The following PRKCH variants were observed in gnomAD, a reference collection of about 807,000 sequenced individuals.
The protein encoded by PRKCH is protein kinase C eta type.
Under a neutral mutation model 82.5 loss-of-function variants are expected in PRKCH, and 28 were observed. The observed-to-expected ratio is 0.34, with a 90% CI of 0.25 to 0.47. The LOEUF (loss-of-function observed/expected upper bound fraction) is 0.47, where lower values mean the gene tolerates loss of function less well. Ranked by LOEUF, PRKCH falls within the 20% of genes least tolerant of loss-of-function variation. The pLI is 1.00. For synonymous variants in PRKCH, 322 were observed against 327.4 expected (o/e 0.98, Z 0.18); for missense variants, 705 against 881.8 (o/e 0.80, Z 2.54).
chr14:61,479,074 G>T (rs561652181), intron 9 of PRKCH, among the ~76,000 whole-genome samples: 1 of 152,254 alleles, frequency 6.6e-6, no homozygotes, highest in African/African-American at 2.4e-5. Context: ...GAGGAACCCT[G>T]GCAGTTTTGC....
At chr14:61,370,805 G>C (rs922873008) in intron 1 of PRKCH, among the ~76,000 whole-genome samples, 2 of 152,038 alleles carry the variant, frequency 1.3e-5, no homozygotes, top group Non-Finnish European at 2.9e-5. Context: ...TTTGCAGATA[G>C]GAGTACTCAT....
chr14:61,311,667 C>T (rs188837346), intron 1 of PRKCH, among the ~76,000 whole-genome samples: 3 of 152,352 alleles, frequency 2.0e-5, no homozygotes, highest in Admixed American at 2.0e-4. Context: ...AAAGAACTGC[C>T]TGACACTGGG....
intron 2 of PRKCH, among the ~76,000 whole-genome samples, chr14:61,401,839 A>C (rs1323461142): frequency 6.6e-6 from 1 of 152,248 alleles, no homozygotes; most frequent in Non-Finnish European, 1.5e-5. Flanking sequence ...TTGAGTTGTT[A>C]GCTGAGCTAG....
chr14:61,220,613 C>A (rs1002324811), intron 1 of PRKCH, among the ~76,000 whole-genome samples: 2 of 152,164 alleles, frequency 1.3e-5, no homozygotes, highest in Admixed American at 1.3e-4. Context: ...TAGGATGGAC[C>A]AACTCCACAC....
Position 61,400,500 on chromosome 14 carries a change from G to A in PRKCH, c.427+9212G>A, listed in dbSNP as rs867189279. ...GGTTGAAGACAGGGTAGGAGAGAAA[G>A]AAAGGAATTGAGGGAATGGGAGAAT... On this transcript the variant is annotated intron_variant, in intron 2 of 13. Transcript: ENST00000332981. Among the ~76,000 whole-genome samples the A allele has an allele frequency of 5.3e-5, 8 of 152,328 alleles. No homozygotes were observed. In the South Asian group the frequency reaches 1.7e-3, roughly 32 times the overall value.
chr14:61,336,983 T>C lies in PRKCH; in HGVS notation c.363+14519T>C, dbSNP rs963900169. ...ACTTGGGAGGCTGAGGCATGAGAATTGCTTGAACCCAGGAGGCGAGGTGGA... is the reference window on the plus strand; with the variant it reads ...ACTTGGGAGGCTGAGGCATGAGAATCGCTTGAACCCAGGAGGCGAGGTGGA... On this transcript the variant is annotated intron_variant, in intron 1 of 13. Transcript: ENST00000332981. Among the ~76,000 whole-genome samples, 14 of 149,972 alleles carry C rather than the reference T, an allele frequency of 9.3e-5. No homozygotes were observed. In the South Asian group the frequency reaches 2.5e-3, roughly 27 times the overall value.
intron 1 of PRKCH, among the ~76,000 whole-genome samples, chr14:61,227,637 G>A (rs1307497498): frequency 1.3e-5 from 2 of 152,058 alleles, no homozygotes; most frequent in Admixed American, 6.6e-5. Flanking sequence ...GCAGTTGTGA[G>A]GGTTAAATGC....
At chr14:61,473,849 C>T (rs976468201) in intron 9 of PRKCH, among the ~76,000 whole-genome samples, 5 of 151,918 alleles carry the variant, frequency 3.3e-5, no homozygotes, top group African/African-American at 7.3e-5. Flanking sequence ...AAAAATTAGC[C>T]GGGCATGGTG....
intron 5 of PRKCH, among the ~76,000 whole-genome samples, chr14:61,450,460 G>A (rs2296274): frequency 0.59 from 90,473 of 152,116 alleles, 32,312 homozygotes; most frequent in Non-Finnish European, 0.77. Context: ...TACAGTGATA[G>A]CAAGTATATA....
At chr14:61,322,542 C>CCG (rs1280145417) in intron 1 of PRKCH, 78 bp downstream of exon 1, 37 of 1,503,922 alleles carry the variant, frequency 2.5e-5, no homozygotes, top group Non-Finnish European at 3.2e-5. Context: ...CACCCGGGTC[C>CCG]CGCTTTCCCA....
At position 61,433,050 on chromosome 14, in the gene PRKCH, A is replaced by AAAAAAAAAAAAAC. The variant is rs1883494316; in HGVS notation, c.428-10050_428-10049insACAAAAAAAAAAA. On this transcript the variant is annotated intron_variant, in intron 2 of 13. Transcript: ENST00000332981. ...CTCACCCCCCAACCTCTTCAAAAAA[A>AAAAAAAAAAAAAC]AAAAAAAAAAACTATCAAAAAATGG... 2.0e-5 allele frequency among the ~76,000 whole-genome samples: 3 copies of AAAAAAAAAAAAAC among 151,708 alleles called. 1 individual carries two copies. Among genetic ancestry groups the AAAAAAAAAAAAAC allele is most frequent in the African/African-American group, 7.3e-5 (3 of 41,214 alleles).
At chr14:61,341,581 C>T (rs2045930287) in intron 1 of PRKCH, among the ~76,000 whole-genome samples, 1 of 152,104 alleles carries the variant, frequency 6.6e-6, no homozygotes, top group Admixed American at 6.5e-5. Flanking sequence ...CAGAAACCCA[C>T]AGTTTCATCA....
chr14:61,296,340 C>T (rs1049468829), intron 1 of PRKCH, among the ~76,000 whole-genome samples: 11 of 152,112 alleles, frequency 7.2e-5, no homozygotes, highest in African/African-American at 2.7e-4. Context: ...CTCGGGGGAT[C>T]GGCTAAGCTG....
intron 1 of PRKCH, among the ~76,000 whole-genome samples, chr14:61,251,140 C>G (rs957185100): frequency 3.1e-4 from 47 of 152,278 alleles, no homozygotes; most frequent in African/African-American, 1.1e-3. Flanking sequence ...TACAGGCATG[C>G]AATGTGTAAT....
intron 10 of PRKCH, among the ~76,000 whole-genome samples, chr14:61,493,939 G>A (rs749798745): frequency 7.2e-5 from 11 of 151,916 alleles, no homozygotes; most frequent in Admixed American, 6.6e-4. Flanking sequence ...AAAAGAAACC[G>A]GAAATCATTT....
chr14:61,514,352 A>C (rs925887060), intron 10 of PRKCH, among the ~76,000 whole-genome samples: 4 of 148,942 alleles, frequency 2.7e-5, no homozygotes, highest in Non-Finnish European at 1.5e-5. Context: ...GGTTTTTCTC[A>C]TCTATAAGCC....
intron 10 of PRKCH, among the ~76,000 whole-genome samples, chr14:61,507,868 A>G (rs1887219157): frequency 6.6e-6 from 1 of 152,144 alleles, no homozygotes; most frequent in Non-Finnish European, 1.5e-5. Context: ...CATAAGACCT[A>G]TGATTAACAA....
At chr14:61,432,414 C>A (rs1883451791) in intron 2 of PRKCH, among the ~76,000 whole-genome samples, 1 of 152,172 alleles carries the variant, frequency 6.6e-6, no homozygotes, top group African/African-American at 2.4e-5. Flanking sequence ...CAAGTACATT[C>A]TTTATTTAGC....
chr14:61,485,183 T>C (rs1283680257), intron 9 of PRKCH, among the ~76,000 whole-genome samples: 1 of 152,166 alleles, frequency 6.6e-6, no homozygotes, highest in Non-Finnish European at 1.5e-5. Context: ...ATTTACATTC[T>C]CTCTCCAGGT....
Sources: gnomAD v4.1 joint callset for allele counts (sites outside exome capture counted in the v4.1 genomes callset) on GRCh38, gnomAD v4.1.1 for gene constraint, MANE v1.5 for transcripts, NCBI Gene and HGNC (gene_info 2026-07-23, HGNC 2026-07-21) for gene names.